Variants in TCERG1L observed in about 807,000 individuals in gnomAD.
TCERG1L encodes the protein transcription elongation regulator 1 like.
A neutral mutation model predicts 56.3 loss-of-function variants in TCERG1L; 37 were observed. The observed-to-expected ratio is 0.66, with a 90% CI of 0.51 to 0.87. The LOEUF (loss-of-function observed/expected upper bound fraction) is 0.87, where lower values mean the gene tolerates loss of function less well. Ranked by LOEUF, TCERG1L falls within the 40% of genes least tolerant of loss-of-function variation. The pLI, the probability that TCERG1L is intolerant of heterozygous loss-of-function variation, is 0.00. For synonymous variants in TCERG1L, 324 were observed against 326.3 expected (o/e 0.99, Z 0.08); for missense variants, 799 against 774.2 (o/e 1.03, Z -0.38).
intron 3 of TCERG1L, among the ~76,000 whole-genome samples, chr10:131,301,844 T>C (rs549794124): frequency 4.6e-5 from 7 of 152,134 alleles, no homozygotes; most frequent in Non-Finnish European, 8.8e-5. Context: ...TACAGATAAA[T>C]ATACGCATAG....
At chr10:131,176,277 T>C (rs1318842238) in intron 4 of TCERG1L, among the ~76,000 whole-genome samples, 1 of 150,690 alleles carries the variant, frequency 6.6e-6, no homozygotes, top group African/African-American at 2.4e-5. Flanking sequence ...CAGACACGTG[T>C]ACACACACCA....
At chr10:131,104,937 G>A (rs1427117815) in intron 9 of TCERG1L, among the ~76,000 whole-genome samples, 19 of 152,194 alleles carry the variant, frequency 1.2e-4, no homozygotes, top group Admixed American at 2.0e-4. Context: ...TAACCATGAC[G>A]CATTATTACT....
rs927964995 is a variant in TCERG1L at position 131,103,150 on chromosome 10, T to C, written c.1485+1115A>G. On this transcript the variant is annotated intron_variant, in intron 10 of 11. Coordinates refer to ENST00000368642, the MANE Select transcript of TCERG1L (RefSeq NM_174937.4). This position sits in a 1 kb window ranked among gnomAD's most constrained non-coding sequence, Gnocchi z 4.3. Reference sequence around the variant, plus strand: ...ACAAGCAGAAAGAGGCTCTCTGAAATGAAATGGATGCTTATTTGGGAAGAG... The same window carrying C: ...ACAAGCAGAAAGAGGCTCTCTGAAACGAAATGGATGCTTATTTGGGAAGAG... 6.6e-6 allele frequency among the ~76,000 whole-genome samples: 1 copy of C among 151,706 alleles called. No individual in the cohort carries two copies. The highest frequency in any genetic ancestry group is 2.4e-5 in the African/African-American group (1 of 41,294).
chr10:131,102,454 C>T (rs183759699), intron 10 of TCERG1L, among the ~76,000 whole-genome samples: 294 of 152,292 alleles, frequency 1.9e-3, no homozygotes, highest in Non-Finnish European at 3.5e-3. Context: ...GCTTCACTGA[C>T]ACCATCTCAG....
At chr10:131,296,990 C>T (rs1028163309) in intron 3 of TCERG1L, among the ~76,000 whole-genome samples, 8 of 152,186 alleles carry the variant, frequency 5.3e-5, no homozygotes, top group Non-Finnish European at 4.4e-5. Context: ...TTTTGGTAGA[C>T]TCTTTGAGAT....
Position 131,289,703 on chromosome 10 carries a change from CATCT to C in TCERG1L, c.670+18504_670+18507del, listed in dbSNP as rs1263257932. Among the ~76,000 whole-genome samples, 12 of 46,958 alleles carry C rather than the reference CATCT, an allele frequency of 2.6e-4. 4 individuals are homozygous for C. Among genetic ancestry groups the C allele is most frequent in the African/African-American group, 6.2e-4 (11 of 17,618 alleles). 30.8% of individuals were successfully genotyped at this position (46,958 alleles called of 152,430 possible). On this transcript the variant is annotated intron_variant, in intron 3 of 11. Transcript: ENST00000368642. ...CTGTGTGTGAGGTGTGCACTGCCTC[CATCT>C]ATCAATGTGAGTGTACGTGTGCACT...
intron 8 of TCERG1L, among the ~76,000 whole-genome samples, chr10:131,129,574 T>A (rs1051543168): frequency 5.9e-5 from 9 of 152,218 alleles, no homozygotes; most frequent in Non-Finnish European, 1.3e-4. Context: ...TGTTTGTTTT[T>A]TCATATATTT....
rs182873521 is a variant in TCERG1L, at chr10:131,204,257, G to A, written c.857-37372C>T. On this transcript the variant is annotated intron_variant, in intron 4 of 11. Transcript: ENST00000368642. ...CCTGGACTTTCCATTCTCCAGACCT[G>A]TAAGAAAAGCATTTCTCATCTCTAT... is the stretch of plus-strand genomic sequence containing the variant. Among the ~76,000 whole-genome samples, 16 of 152,326 alleles carry A rather than the reference G, an allele frequency of 1.1e-4. No homozygotes were observed. In the South Asian group the frequency reaches 1.2e-3, roughly 12 times the overall value.
intron 6 of TCERG1L, among the ~76,000 whole-genome samples, chr10:131,146,875 C>A (rs1308941632): frequency 6.6e-6 from 1 of 152,158 alleles, no homozygotes; most frequent in Non-Finnish European, 1.5e-5. Flanking sequence ...ATTCTTATCA[C>A]CAGCCTTAGA....
At chr10:131,166,981 A>G in intron 4 of TCERG1L, 96 bp from the exon 5 acceptor site, 1 of 1,085,770 alleles carries the variant, frequency 9.2e-7, no homozygotes, top group Non-Finnish European at 1.3e-6. Flanking sequence ...TGAAGATTAG[A>G]ATTGGTCAGT....
intron 7 of TCERG1L, among the ~76,000 whole-genome samples, chr10:131,146,231 G>C (rs913571751): frequency 2.0e-5 from 3 of 152,216 alleles, no homozygotes; most frequent in Admixed American, 1.3e-4. Context: ...ATGCTGGATG[G>C]AAGCTTTGAG....
intron 6 of TCERG1L, among the ~76,000 whole-genome samples, chr10:131,147,746 T>C (rs1845814995): frequency 6.6e-6 from 1 of 152,248 alleles, no homozygotes; most frequent in Non-Finnish European, 1.5e-5. Flanking sequence ...CTCTAGCTAT[T>C]GACTTCCCCG....
chr10:131,104,290 A>T lies in TCERG1L; in HGVS notation c.1460T>A (p.Leu487Gln). The change falls in exon 10 of 12, where the codon CTG becomes CAG. Residue 487 changes from leucine to glutamine, a missense_variant. By Grantham distance (113) the Leu-to-Gln change is moderately radical. Transcript: ENST00000368642. ...HKIVFDPRYL[L>Q]LNSEERKQIF... Reference sequence around the variant, plus strand: ...CTGCTTTCGTTCCTCAGAGTTGAGCAGGAGATAGCGTGGGTCAAACACGAT... The same window carrying T: ...CTGCTTTCGTTCCTCAGAGTTGAGCTGGAGATAGCGTGGGTCAAACACGAT... The T allele has an allele frequency of 6.4e-7, 1 of 1,550,812 alleles. No homozygotes were observed. The highest frequency in any genetic ancestry group is 8.7e-7 in the Non-Finnish European group (1 of 1,146,180).
At chr10:131,186,285 G>GTGGT (rs1337621106) in intron 4 of TCERG1L, among the ~76,000 whole-genome samples, 4 of 152,206 alleles carry the variant, frequency 2.6e-5, no homozygotes, top group Non-Finnish European at 4.4e-5. Context: ...GTAGATGGAG[G>GTGGT]TGGTGGTTGA....
intron 4 of TCERG1L, among the ~76,000 whole-genome samples, chr10:131,212,060 G>T (rs1360440035): frequency 6.6e-6 from 1 of 152,086 alleles, no homozygotes. Flanking sequence ...TGTGCTATGG[G>T]GCCACATTAT....
intron 3 of TCERG1L, among the ~76,000 whole-genome samples, chr10:131,300,753 C>T (rs1395154521): frequency 1.3e-5 from 2 of 152,024 alleles, no homozygotes; most frequent in African/African-American, 4.8e-5. Context: ...TCACTTCTTG[C>T]TTGGTTTGTG....
At chr10:131,124,599 G>A (rs556937920) in intron 8 of TCERG1L, among the ~76,000 whole-genome samples, 24 of 152,276 alleles carry the variant, frequency 1.6e-4, no homozygotes, top group East Asian at 5.8e-4. Flanking sequence ...ATGCAGGAGC[G>A]GAGAGCAAGA....
chr10:131,159,274 A>G (rs1045506202), intron 6 of TCERG1L, among the ~76,000 whole-genome samples: 13 of 152,146 alleles, frequency 8.5e-5, no homozygotes, highest in Non-Finnish European at 1.5e-4. Context: ...CCGTCTAAGT[A>G]TTCCAGGGCT....
intron 4 of TCERG1L, among the ~76,000 whole-genome samples, chr10:131,174,732 C>T (rs1046775745): frequency 4.6e-5 from 7 of 152,194 alleles, no homozygotes; most frequent in African/African-American, 1.7e-4. Flanking sequence ...TGAATTGCCC[C>T]TTGCAAGAAC....
Sources: gnomAD v4.1 joint callset for allele counts (sites outside exome capture counted in the v4.1 genomes callset) on GRCh38, gnomAD v4.1.1 for gene constraint, Gnocchi (gnomAD v3.1) non-coding constraint, MANE v1.5 for transcripts, NCBI Gene and HGNC (gene_info 2026-07-23, HGNC 2026-07-21) for gene names.